Variants in PRTG observed in about 807,000 individuals in gnomAD.
The protein encoded by PRTG is protogenin, also known as immunoglobulin superfamily, DCC subclass, member 5.
PRTG carries 67 observed loss-of-function variants against 122.5 expected under a neutral mutation model. That is an observed-to-expected ratio of 0.55 (90% CI 0.45 to 0.67). The LOEUF (loss-of-function observed/expected upper bound fraction) is 0.67, where lower values mean the gene tolerates loss of function less well. PRTG is among the 30% of genes least tolerant of loss of function. The pLI, the probability that PRTG is intolerant of heterozygous loss-of-function variation, is 0.00. For missense variants in PRTG, 1,435 were observed against 1,415.4 expected, an observed-to-expected ratio of 1.01 and a Z score of -0.22; for synonymous variants, 554 against 501.1, an observed-to-expected ratio of 1.11 and a Z score of -1.41.
At chr15:55,666,269 A>G (rs887217882) in intron 11 of PRTG, among the ~76,000 whole-genome samples, 11 of 152,190 alleles carry the variant, frequency 7.2e-5, no homozygotes, top group Admixed American at 7.2e-4. Flanking sequence ...TCTTCTTCTT[A>G]TAAGGGCATC....
chr15:55,626,024 A>G (rs2059192862), intron 17 of PRTG, among the ~76,000 whole-genome samples: 1 of 152,134 alleles, frequency 6.6e-6, no homozygotes, highest in Non-Finnish European at 1.5e-5. Flanking sequence ...AAGGTCTGGG[A>G]TTACCAAGGT....
chr15:55,633,814 G>A (rs1595606929), intron 15 of PRTG, among the ~76,000 whole-genome samples: 2 of 152,046 alleles, frequency 1.3e-5, no homozygotes, highest in Admixed American at 1.3e-4. Context: ...CCTTAGCTAC[G>A]AAAAAAGTTC....
At chr15:55,738,960 A>T (rs2031526089) in intron 2 of PRTG, among the ~76,000 whole-genome samples, 1 of 151,280 alleles carries the variant, frequency 6.6e-6, no homozygotes, top group African/African-American at 2.4e-5. Context: ...GGGAGGGGAG[A>T]GAGAGGAAGG....
intron 11 of PRTG, among the ~76,000 whole-genome samples, chr15:55,652,720 T>C (rs2059359626): frequency 1.3e-5 from 2 of 152,212 alleles, no homozygotes; most frequent in Non-Finnish European, 2.9e-5. Flanking sequence ...TAAAATGCTA[T>C]GTGTAAGCAC....
intron 2 of PRTG, among the ~76,000 whole-genome samples, chr15:55,716,089 T>C (rs1454121009): frequency 6.6e-6 from 1 of 152,174 alleles, no homozygotes; most frequent in East Asian, 1.9e-4. Context: ...TTAACAATCA[T>C]CTGCTAGCTG....
intron 4 of PRTG, among the ~76,000 whole-genome samples, chr15:55,681,054 C>G (rs1002521994): frequency 1.3e-5 from 2 of 151,980 alleles, no homozygotes. Flanking sequence ...CAAGGTTCAC[C>G]CATGTTGTTA....
chr15:55,673,843 A>G (rs1355504885), intron 9 of PRTG, among the ~76,000 whole-genome samples, 167 bp from the exon 10 acceptor site: 1 of 152,230 alleles, frequency 6.6e-6, no homozygotes, highest in Non-Finnish European at 1.5e-5. Flanking sequence ...AAAAAGAAGA[A>G]AAAATAATGA....
intron 4 of PRTG, 110 bp downstream of exon 4, chr15:55,682,254 A>G (rs1022004383): frequency 2.2e-6 from 2 of 929,406 alleles, no homozygotes; most frequent in Non-Finnish European, 2.9e-6. Flanking sequence ...ATAGATTATA[A>G]TAATTTAAAT....
intron 6 of PRTG, chr15:55,679,713 T>C: frequency 2.3e-6 from 1 of 428,586 alleles, no homozygotes. Flanking sequence ...AAGAACAATA[T>C]ATAGCCACAT....
intron 2 of PRTG, among the ~76,000 whole-genome samples, chr15:55,705,969 T>C (rs1202019132): frequency 2.0e-5 from 3 of 146,908 alleles, no homozygotes; most frequent in Middle Eastern, 3.7e-3. Flanking sequence ...TGCCTCAGCC[T>C]CCCGAGTAGC....
chr15:55,711,731 G>C (rs1276036093), intron 2 of PRTG, among the ~76,000 whole-genome samples: 1 of 152,128 alleles, frequency 6.6e-6, no homozygotes, highest in East Asian at 1.9e-4. Context: ...GTGCAACTGT[G>C]ATCAGCCAAT....
chr15:55,711,969 G>T (rs1207110950), intron 2 of PRTG, among the ~76,000 whole-genome samples: 1 of 152,156 alleles, frequency 6.6e-6, no homozygotes, highest in Admixed American at 6.5e-5. Context: ...ACCCTCAGGT[G>T]ACTGTTACAC....
chr15:55,627,054 A>C lies in PRTG; in HGVS notation c.2881T>G (p.Cys961Gly). 1 of 1,612,534 alleles carries C rather than the reference A, an allele frequency of 6.2e-7. No homozygotes were observed. The highest frequency in any genetic ancestry group is 8.5e-7 in the Non-Finnish European group (1 of 1,179,066). Residue 961 changes from cysteine (C) to glycine (G), a missense_variant, in exon 17 of 20, where the codon TGC becomes GGC. By Grantham distance (159) the Cys-to-Gly change is radical (BLOSUM62 -3). Coordinates refer to ENST00000389286, the MANE Select transcript of PRTG (RefSeq NM_173814.6). ...IAVGVGIALT[C>G]ILICVLILIY... ...AAGATGAGAACACAGATGAGGATGCAGGTCAAGGCTATGCCAACACCTACA... is the reference window on the plus strand; with the variant it reads ...AAGATGAGAACACAGATGAGGATGCCGGTCAAGGCTATGCCAACACCTACA...
chr15:55,642,700 G>A (rs898644537), intron 11 of PRTG, among the ~76,000 whole-genome samples: 1 of 151,808 alleles, frequency 6.6e-6, no homozygotes, highest in East Asian at 1.9e-4. Context: ...CTTCATAAGG[G>A]AAAACAGTAA....
chr15:55,675,500 T>G lies in PRTG; in HGVS notation c.1546+19A>C. 2 of 1,568,766 alleles carry G rather than the reference T, an allele frequency of 1.3e-6. No individual in the cohort carries two copies. Among genetic ancestry groups the G allele is most frequent in the Non-Finnish European group, 1.7e-6 (2 of 1,146,178 alleles). ...TACGAATGTTCATACTGAAATGATC[T>G]AGAATCATGTTTTCTTACCATCCTC... On this transcript the variant is annotated intron_variant, in intron 9 of 19. Coordinates refer to ENST00000389286, the MANE Select transcript of PRTG (RefSeq NM_173814.6).
At chr15:55,698,017 C>T (rs945070400) in intron 2 of PRTG, among the ~76,000 whole-genome samples, 2 of 152,136 alleles carry the variant, frequency 1.3e-5, no homozygotes, top group African/African-American at 2.4e-5. Context: ...GCTTCTCTTC[C>T]TTCACTTCTG....
At chr15:55,707,181 T>G (rs1482126525) in intron 2 of PRTG, among the ~76,000 whole-genome samples, 1 of 152,222 alleles carries the variant, frequency 6.6e-6, no homozygotes, top group Non-Finnish European at 1.5e-5. Context: ...TCACTTGCTA[T>G]TGAATTCTTA....
In PRTG at chr15:55,639,787, G is replaced by C. The variant is rs1421642176; in HGVS notation, c.2179C>G (p.His727Asp). Residue 727 changes from histidine to aspartate, a missense_variant, in exon 13 of 20, where the codon CAT becomes GAT. Transcript: ENST00000389286. ...RMVPPPPPPH[H>D]LYAKANTSSS... is the part of the protein sequence containing the mutation. The stretch of plus-strand genomic sequence containing the variant: ...GAGGTGTTAGCCTTCGCATAGAGAT[G>C]GTGGGGTGGTGGTGGAGGAGGGACC... 6.2e-7 allele frequency: 1 copy of C among 1,614,146 alleles called. No individual in the cohort carries two copies. Among genetic ancestry groups the C allele is most frequent in the Non-Finnish European group, 8.5e-7 (1 of 1,180,020 alleles).
chr15:55,704,741 C>G (rs534181016), intron 2 of PRTG, among the ~76,000 whole-genome samples: 45 of 152,266 alleles, frequency 3.0e-4, no homozygotes, highest in African/African-American at 9.9e-4. Context: ...GACATTCAGT[C>G]ACAAACTGGG....
Sources: gnomAD v4.1 joint callset for allele counts (sites outside exome capture counted in the v4.1 genomes callset) on GRCh38, gnomAD v4.1.1 for gene constraint, MANE v1.5 for transcripts, NCBI Gene and HGNC (gene_info 2026-07-23, HGNC 2026-07-21) for gene names.